KPNA6: variants seen among roughly 807,000 people sequenced by gnomAD.
The protein encoded by KPNA6 is karyopherin subunit alpha 6.
KPNA6 carries 9 observed loss-of-function variants against 72.0 expected under a neutral mutation model. That is an observed-to-expected ratio of 0.13 (90% confidence interval 0.08 to 0.22). The LOEUF (loss-of-function observed/expected upper bound fraction) is 0.22, where lower values mean the gene tolerates loss of function less well. KPNA6 is among the 10% of genes least tolerant of loss of function. The probability of loss-of-function intolerance (pLI) is 1.00; values close to 1 mark genes in which losing one functional copy is unlikely to be tolerated. For missense variants in KPNA6, 374 were observed against 655.7 expected, an observed-to-expected ratio of 0.57 and a Z score of 4.69; for synonymous variants, 219 against 242.1, an observed-to-expected ratio of 0.90 and a Z score of 0.89.
chr1:32,114,030 A>T (rs1641284966), intron 1 of KPNA6, among the ~76,000 whole-genome samples: 1 of 152,122 alleles, frequency 6.6e-6, no homozygotes, highest in African/African-American at 2.4e-5. Flanking sequence ...TGATATTTTG[A>T]CTTCTTATGA....
intron 2 of KPNA6, 66 bp from the exon 3 acceptor site, chr1:32,156,787 C>T: frequency 8.1e-7 from 1 of 1,227,688 alleles, no homozygotes; most frequent in Non-Finnish European, 1.2e-6. Flanking sequence ...CATAATTTAA[C>T]ATTGGATTGT....
chr1:32,146,232 G>A (rs1046019691), intron 1 of KPNA6, among the ~76,000 whole-genome samples: 20 of 152,148 alleles, frequency 1.3e-4, no homozygotes, highest in Admixed American at 9.8e-4. Context: ...ACAGTTGGTG[G>A]GGACAAAAAA....
intron 10 of KPNA6, among the ~76,000 whole-genome samples, chr1:32,163,833 T>G (rs1642284936): frequency 6.6e-6 from 1 of 152,232 alleles, no homozygotes; most frequent in South Asian, 2.1e-4. Context: ...CTGGACAGGT[T>G]TCTTAACAGG....
In KPNA6 at chr1:32,175,926, C is replaced by T. The variant is rs1462061430; in HGVS notation, c.*5032C>T. On this transcript the variant is annotated 3_prime_UTR_variant, in exon 14 of 14. Coordinates refer to ENST00000373625, the MANE Select transcript of KPNA6 (RefSeq NM_012316.5). ...CAGCCTGACCAACATAGTAAAACCC[C>T]GTCCCTACAAAAATAAAAAAATAAA... The T allele has an allele frequency of 2.6e-5, 4 of 151,446 alleles. No individual in the cohort carries two copies. The highest frequency in any genetic ancestry group is 4.9e-5 in the African/African-American group (2 of 41,068). 9.4% of individuals were successfully genotyped at this position (151,446 alleles called of 1,614,324 possible).
At chr1:32,109,051 A>G (rs1641197773) in intron 1 of KPNA6, among the ~76,000 whole-genome samples, 1 of 152,220 alleles carries the variant, frequency 6.6e-6, no homozygotes, top group Non-Finnish European at 1.5e-5. Flanking sequence ...CTAAGGAAAT[A>G]GATGCTACCA....
chr1:32,108,127 C>T lies in KPNA6; in HGVS notation c.-4C>T. 1 of 1,614,036 alleles carries T rather than the reference C, an allele frequency of 6.2e-7. No individual in the cohort carries two copies. Among genetic ancestry groups the T allele is most frequent in the Non-Finnish European group, 8.5e-7 (1 of 1,179,960 alleles). ...GCCGCCAAGAGTGAGCGAGCGGACC[C>T]GCGATGGGTGAGTGAGGAAACCACG... is the stretch of plus-strand genomic sequence containing the variant. On this transcript the variant is annotated 5_prime_UTR_variant, in exon 1 of 14. Coordinates refer to ENST00000373625, the MANE Select transcript of KPNA6 (RefSeq NM_012316.5).
At chr1:32,154,442 G>T in intron 1 of KPNA6, 146 bp from the exon 2 acceptor site, 2 of 700,750 alleles carry the variant, frequency 2.9e-6, no homozygotes, top group South Asian at 4.5e-5. Context: ...GGGGTGGGTA[G>T]AGATGTCAGG....
At chr1:32,167,110 T>A (rs975498649) in intron 11 of KPNA6, 59 bp from the exon 12 acceptor site, 2 of 1,592,270 alleles carry the variant, frequency 1.3e-6, no homozygotes, top group Non-Finnish European at 1.7e-6. Context: ...GGACTAGATT[T>A]ATTTATCATG....
rs1317546654 is a variant in KPNA6 at position 32,166,124 on chromosome 1, C to T, written c.1010C>T (p.Ala337Val). The change falls in exon 11 of 14, where the codon GCC becomes GTC. Residue 337 changes from alanine (A) to valine (V), a missense_variant. Physicochemically the swap from Ala to Val is moderately conservative, Grantham distance 64 (BLOSUM62 0). Coordinates refer to ENST00000373625, the MANE Select transcript of KPNA6 (RefSeq NM_012316.5). ...TTCTAGGTCATTCTTAACTGTTCAG[C>T]CCTACCTTGCCTTCTCCACTTGTTG... Reference protein sequence around the residue: ...IQTQVILNCSALPCLLHLLSS... With the variant: ...IQTQVILNCSVLPCLLHLLSS... 6.2e-7 allele frequency: 1 copy of T among 1,613,964 alleles called. No homozygotes were observed.
At chr1:32,115,837 A>G (rs1641319767) in intron 1 of KPNA6, among the ~76,000 whole-genome samples, 1 of 151,950 alleles carries the variant, frequency 6.6e-6, no homozygotes, top group African/African-American at 2.4e-5. Context: ...TCTTCCTCCC[A>G]GATTCAAGCG....
chr1:32,137,654 G>A (rs1178460064), intron 1 of KPNA6, among the ~76,000 whole-genome samples: 1 of 152,192 alleles, frequency 6.6e-6, no homozygotes, highest in Admixed American at 6.6e-5. Flanking sequence ...AAGTAAAAGA[G>A]TTCTTGTTCT....
chr1:32,173,062 A>G lies in KPNA6; in HGVS notation c.*2168A>G. ...CACCTTGGTGAGTCATATGCCACTC[A>G]TCAGCTTGGGAATGATGGCTGCCAA... On this transcript the variant is annotated 3_prime_UTR_variant, in exon 14 of 14. Transcript: ENST00000373625. 2.5e-6 allele frequency: 1 copy of G among 397,442 alleles called. No individual in the cohort carries two copies. The allele number at this position is 397,442 out of a possible 1,614,324, so 24.6% of individuals were successfully genotyped here. A position where few individuals can be genotyped will look rare whatever the true frequency, so the allele number is the denominator to read the frequency against.
chr1:32,132,629 C>T (rs181709335), intron 1 of KPNA6, among the ~76,000 whole-genome samples: 56 of 152,198 alleles, frequency 3.7e-4, no homozygotes, highest in Non-Finnish European at 6.8e-4. Context: ...CCCAGCCCAG[C>T]GTGGTGGCTC....
chr1:32,129,502 C>G (rs1415310226), intron 1 of KPNA6, among the ~76,000 whole-genome samples: 1 of 151,928 alleles, frequency 6.6e-6, no homozygotes, highest in Admixed American at 6.6e-5. Context: ...AATTTTGTTT[C>G]TCTGCATATT....
At chr1:32,119,021 TA>T (rs61008541) in intron 1 of KPNA6, among the ~76,000 whole-genome samples, 359 of 81,336 alleles carry the variant, frequency 4.4e-3, no homozygotes, top group African/African-American at 0.011. Context: ...TATATATATA[TA>T]TATATATATA....
In KPNA6 at chr1:32,170,744, C is replaced by T. The variant is rs1203173765; in HGVS notation, c.1461C>T (p.Asn487=). 2 of 1,614,168 alleles carry T rather than the reference C, an allele frequency of 1.2e-6. No homozygotes were observed. Among genetic ancestry groups the T allele is most frequent in the South Asian group, 1.1e-5 (1 of 91,088 alleles). ...DKIEFLQSHE[N]QEIYQKAFDL... is the part of the protein sequence containing the mutation. ...TTGAGTTTCTCCAGAGCCACGAGAACCAGGAGATCTACCAGAAGGCCTTCG... is the reference window on the plus strand; with the variant it reads ...TTGAGTTTCTCCAGAGCCACGAGAATCAGGAGATCTACCAGAAGGCCTTCG... Residue 487 remains asparagine, a synonymous_variant, in exon 14 of 14, where the codon AAC becomes AAT. Transcript: ENST00000373625.
intron 1 of KPNA6, among the ~76,000 whole-genome samples, chr1:32,123,698 C>A (rs925016704): frequency 6.7e-6 from 1 of 148,602 alleles, no homozygotes; most frequent in African/African-American, 2.5e-5. Context: ...CAAGATCATG[C>A]CACTGCACTC....
intron 1 of KPNA6, among the ~76,000 whole-genome samples, chr1:32,146,606 G>A (rs1010281264): frequency 6.6e-6 from 1 of 152,082 alleles, no homozygotes. Flanking sequence ...GTACAGCATT[G>A]TTTCCTCCTT....
chr1:32,142,255 C>CAAA (rs763008502), intron 1 of KPNA6, among the ~76,000 whole-genome samples: 554 of 55,294 alleles, frequency 0.01, 16 homozygotes, highest in African/African-American at 0.038. Context: ...GACCCTGTCT[C>CAAA]AAAAAAAAAA....
Sources: gnomAD v4.1 joint callset for allele counts (sites outside exome capture counted in the v4.1 genomes callset) on GRCh38, gnomAD v4.1.1 for gene constraint, MANE v1.5 for transcripts, NCBI Gene and HGNC (gene_info 2026-07-23, HGNC 2026-07-21) for gene names.